Variants in CACNA1E observed in about 807,000 individuals in gnomAD.
The protein encoded by CACNA1E is calcium voltage-gated channel subunit alpha1 E, also known as voltage-dependent R-type calcium channel subunit alpha-1E.
A neutral mutation model predicts 259.2 loss-of-function variants in CACNA1E; 40 were observed. The observed-to-expected ratio is 0.15, with a 90% CI of 0.12 to 0.20. The LOEUF (loss-of-function observed/expected upper bound fraction) is 0.20, where lower values mean the gene tolerates loss of function less well. CACNA1E is among the 10% of genes least tolerant of loss of function. The pLI is 1.00. For missense variants in CACNA1E, 1,874 were observed against 3,040.1 expected (o/e 0.62, Z 9.02); for synonymous variants, 1,104 against 1,138.5 (o/e 0.97, Z 0.61).
chr1:181,484,098 C>A, intron 1 of CACNA1E, 88 bp downstream of exon 1: 3 of 1,330,202 alleles, frequency 2.3e-6, no homozygotes, highest in South Asian at 1.3e-5. Flanking sequence ...GTATCCCCCA[C>A]CCCTTCCTGG....
At position 181,381,352 on chromosome 1, in the gene CACNA1E, A is replaced by G. The variant is rs114456433; in HGVS notation, c.-14-31781A>G. Among the ~76,000 whole-genome samples the G allele has an allele frequency of 7.3e-3, 1,119 of 152,358 alleles. 26 individuals carry two copies. Among genetic ancestry groups the G allele is most frequent in the African/African-American group, 0.026 (1,072 of 41,586 alleles). On this transcript the variant is annotated intron_variant, in intron 1 of 11. Transcript: ENST00000524607. ...ATGAACTATTGATATGAGCTACAAC[A>G]TGGGATGGATCTCAAAATAAGTATG...
At chr1:181,716,003 T>C (rs1362934899) in intron 9 of CACNA1E, 37 bp from the exon 10 acceptor site, 1 of 1,442,500 alleles carries the variant, frequency 6.9e-7, no homozygotes, top group South Asian at 1.2e-5. Flanking sequence ...TGGGTGTACT[T>C]GTGGCCTCTC....
chr1:181,550,158 G>A (rs1483960459), intron 3 of CACNA1E, among the ~76,000 whole-genome samples: 2 of 152,144 alleles, frequency 1.3e-5, no homozygotes, highest in Non-Finnish European at 2.9e-5. Context: ...GACCAGAGGA[G>A]GGGACAGATA....
intron 3 of CACNA1E, among the ~76,000 whole-genome samples, chr1:181,542,939 G>T (rs984513253): frequency 6.7e-6 from 1 of 149,348 alleles, no homozygotes; most frequent in Non-Finnish European, 1.5e-5. Flanking sequence ...GGAAATACAC[G>T]TTGCTCATAA....
At chr1:181,608,500 T>C (rs1654439736) in intron 6 of CACNA1E, among the ~76,000 whole-genome samples, 1 of 152,060 alleles carries the variant, frequency 6.6e-6, no homozygotes, top group Admixed American at 6.6e-5. Flanking sequence ...ATGAAAAGTG[T>C]CTGGAGAAAT....
intron 7 of CACNA1E, among the ~76,000 whole-genome samples, chr1:181,686,532 C>T (rs549138627): frequency 6.6e-6 from 1 of 152,220 alleles, no homozygotes; most frequent in Non-Finnish European, 1.5e-5. Context: ...GGTGATCTGC[C>T]TGCAGCAGCC....
Position 181,731,183 on chromosome 1 carries a change from G to C in CACNA1E, c.2249G>C (p.Arg750Thr), listed in dbSNP as rs775550860. The change falls in exon 19 of 48, where the codon AGA becomes ACA. Residue 750 changes from arginine to threonine, a missense_variant. Arg to Thr is a moderately conservative substitution (Grantham distance 71). This residue lies in a region of CACNA1E where 476 missense variants were observed against 514.0 expected (regional missense o/e 0.93). Coordinates refer to ENST00000367573, the MANE Select transcript of CACNA1E (RefSeq NM_001205293.3). ...CCATTTTTCTTCCCCAGAAGAGACAGAAGGAGAAGACACCACATGTCGATG... is the reference window on the plus strand; with the variant it reads ...CCATTTTTCTTCCCCAGAAGAGACACAAGGAGAAGACACCACATGTCGATG... ...APNMPSIERD[R>T]RRRHHMSMWE... 7 of 1,613,666 alleles carry C rather than the reference G, an allele frequency of 4.3e-6. No homozygotes were observed. In the Admixed American group the frequency reaches 1.2e-4, roughly 27 times the overall value.
At chr1:181,490,689 A>G (rs1664241384) in intron 1 of CACNA1E, among the ~76,000 whole-genome samples, 1 of 151,894 alleles carries the variant, frequency 6.6e-6, no homozygotes, top group Non-Finnish European at 1.5e-5. Context: ...GGTTCTCTTC[A>G]TCTCTGGAGA....
chr1:181,481,370 A>ACACC (rs1431580391), upstream of CACNA1E, among the ~76,000 whole-genome samples: 1 of 146,702 alleles, frequency 6.8e-6, no homozygotes, highest in East Asian at 2.0e-4. Context: ...ACACACACAC[A>ACACC]CTCTCACATA....
At chr1:181,529,478 A>C (rs1241185408) in intron 3 of CACNA1E, among the ~76,000 whole-genome samples, 1 of 152,108 alleles carries the variant, frequency 6.6e-6, no homozygotes, top group Non-Finnish European at 1.5e-5. Flanking sequence ...TGTCCTCCAG[A>C]CCCCAGAATG....
At chr1:181,542,753 A>G (rs1430986056) in intron 3 of CACNA1E, among the ~76,000 whole-genome samples, 1 of 151,900 alleles carries the variant, frequency 6.6e-6, no homozygotes, top group Admixed American at 6.6e-5. Context: ...TTATAGCAGT[A>G]TGAAATCGGA....
chr1:181,344,734 C>T (rs1169609216), intron 1 of CACNA1E, among the ~76,000 whole-genome samples: 1 of 152,188 alleles, frequency 6.6e-6, no homozygotes, highest in African/African-American at 2.4e-5. Flanking sequence ...AAAGGAAACA[C>T]CCAGAGTGCA....
chr1:181,793,316 C>T (rs1203154774), intron 44 of CACNA1E, among the ~76,000 whole-genome samples: 1 of 152,226 alleles, frequency 6.6e-6, no homozygotes, highest in Non-Finnish European at 1.5e-5. Flanking sequence ...AAATCCAATG[C>T]TATCACTTCT....
At chr1:181,367,879 T>G (rs1051242831) in intron 1 of CACNA1E, among the ~76,000 whole-genome samples, 1 of 152,194 alleles carries the variant, frequency 6.6e-6, no homozygotes, top group Non-Finnish European at 1.5e-5. Flanking sequence ...ATTTCTCATA[T>G]AGTCTTCAGA....
At chr1:181,677,136 GTGGTTGTTCCTATGAC>G (rs1649456718) in intron 7 of CACNA1E, among the ~76,000 whole-genome samples, 1 of 152,062 alleles carries the variant, frequency 6.6e-6, no homozygotes, top group Non-Finnish European at 1.5e-5. Context: ...CTGGGCTTCT[GTGGTTGTTCCTATGAC>G]TGGATGGTTC....
chr1:181,523,941 A>T (rs1390803045), intron 3 of CACNA1E, among the ~76,000 whole-genome samples: 1 of 152,202 alleles, frequency 6.6e-6, no homozygotes, highest in East Asian at 1.9e-4. Flanking sequence ...AGTTCACGAG[A>T]TATATGGCCC....
At chr1:181,425,063 C>T (rs777119009) in intron 2 of CACNA1E, among the ~76,000 whole-genome samples, 2 of 152,218 alleles carry the variant, frequency 1.3e-5, no homozygotes, top group African/African-American at 2.4e-5. Flanking sequence ...GCGCCAGCTG[C>T]TCAATTTGTT....
At position 181,570,770 on chromosome 1, in the gene CACNA1E, C is replaced by T. The variant is rs768695333; in HGVS notation, c.513-6996C>T. 3.5e-4 allele frequency among the ~76,000 whole-genome samples: 54 copies of T among 152,178 alleles called. 1 individual carries two copies. Among genetic ancestry groups the T allele is most frequent in the Non-Finnish European group, 6.8e-4 (46 of 68,034 alleles). On this transcript the variant is annotated intron_variant, in intron 3 of 47. Transcript: ENST00000367573. ...CTTCTGCCTTTTTCTTGTAAGGGCACCTGTGATTGTGCCTCGAGTCCACCT... is the reference window on the plus strand; with the variant it reads ...CTTCTGCCTTTTTCTTGTAAGGGCATCTGTGATTGTGCCTCGAGTCCACCT...
chr1:181,596,588 G>GTGTGTGTGTGTGTT (rs1653194898), intron 6 of CACNA1E, among the ~76,000 whole-genome samples: 1 of 148,988 alleles, frequency 6.7e-6, no homozygotes, highest in Non-Finnish European at 1.5e-5. Context: ...GTGTGTGTGT[G>GTGTGTGTGTGTGTT]TGTGTGTGTA....
Sources: gnomAD v4.1 joint callset for allele counts (sites outside exome capture counted in the v4.1 genomes callset) on GRCh38, gnomAD v4.1.1 for gene constraint, gnomAD v4.1.1 regional missense constraint, MANE v1.5 for transcripts, NCBI Gene and HGNC (gene_info 2026-07-23, HGNC 2026-07-21) for gene names.